MECOM: variants seen among roughly 807,000 people sequenced by gnomAD.
MECOM encodes MDS1 and EVI1 complex locus, also known as histone-lysine N-methyltransferase MECOM.
A neutral mutation model predicts 116.3 loss-of-function variants in MECOM; 13 were observed. The observed-to-expected ratio is 0.11, with a 90% CI of 0.07 to 0.18. The LOEUF is 0.18. Among genes scored for constraint, MECOM ranks in the 10% least tolerant of loss-of-function variants. The pLI, the probability that MECOM is intolerant of heterozygous loss-of-function variation, is 1.00. For synonymous variants in MECOM, 528 were observed against 535.2 expected (o/e 0.99, Z 0.19); for missense variants, 1,299 against 1,509.0 (o/e 0.86, Z 2.31).
intron 1 of MECOM, among the ~76,000 whole-genome samples, chr3:169,535,462 C>T (rs1759238306): frequency 6.6e-6 from 1 of 152,162 alleles, no homozygotes; most frequent in Non-Finnish European, 1.5e-5. Context: ...TCAGCCCTTA[C>T]TTTCAAATGT....
intron 1 of MECOM, among the ~76,000 whole-genome samples, chr3:169,606,138 G>A (rs1768515159): frequency 6.6e-6 from 1 of 152,176 alleles, no homozygotes. Context: ...GAGGCCAGGT[G>A]CGGTGGCTCA....
chr3:169,172,443 G>GTT (rs1491201932), intron 2 of MECOM, among the ~76,000 whole-genome samples: 2 of 148,582 alleles, frequency 1.3e-5, no homozygotes, highest in Non-Finnish European at 3.0e-5. Context: ...GTGTGTGTGT[G>GTT]TATACATATA....
intron 1 of MECOM, among the ~76,000 whole-genome samples, chr3:169,425,580 T>C (rs1459819380): frequency 6.6e-6 from 1 of 152,176 alleles, no homozygotes; most frequent in Non-Finnish European, 1.5e-5. Context: ...CGAGTCACCC[T>C]ATGAGGTATG....
At chr3:169,425,309 C>G (rs926591971) in intron 1 of MECOM, among the ~76,000 whole-genome samples, 1 of 152,218 alleles carries the variant, frequency 6.6e-6, no homozygotes. Context: ...CACGAGAAAA[C>G]GGAGCTATGA....
At chr3:169,410,917 G>A (rs909918652) in intron 1 of MECOM, among the ~76,000 whole-genome samples, 6 of 152,082 alleles carry the variant, frequency 3.9e-5, no homozygotes, top group Admixed American at 2.0e-4. Flanking sequence ...CTTACCCATA[G>A]TCCACAAAAA....
intron 2 of MECOM, among the ~76,000 whole-genome samples, chr3:169,253,071 T>A (rs139032165): frequency 2.6e-5 from 4 of 152,160 alleles, no homozygotes; most frequent in East Asian, 3.8e-4. Context: ...AGCTATTTTT[T>A]AAAATTAGGA....
chr3:169,271,462 A>C (rs1373630505), intron 2 of MECOM, among the ~76,000 whole-genome samples: 1 of 152,242 alleles, frequency 6.6e-6, no homozygotes, highest in East Asian at 1.9e-4. Context: ...CTCTGATATT[A>C]AAACAACAAC....
chr3:169,372,021 T>G (rs748593846), intron 2 of MECOM, among the ~76,000 whole-genome samples: 2 of 152,094 alleles, frequency 1.3e-5, no homozygotes, highest in Admixed American at 6.6e-5. Flanking sequence ...TGGAACATAA[T>G]GTATTGCCCA....
rs149854233 is a variant in MECOM at position 169,233,525 on chromosome 3, T to C, written c.376-89693A>G. ...AAATTGAGCATCTGTTTTTTTCTCATATAAATTCAACTCCTAATAAATACT... is the reference window on the plus strand; with the variant it reads ...AAATTGAGCATCTGTTTTTTTCTCACATAAATTCAACTCCTAATAAATACT... On this transcript the variant is annotated intron_variant, in intron 2 of 16. Coordinates refer to ENST00000651503, the MANE Select transcript of MECOM (RefSeq NM_004991.4). 7.3e-4 allele frequency among the ~76,000 whole-genome samples: 111 copies of C among 152,278 alleles called. No homozygotes were observed. In the East Asian group the frequency reaches 0.018, roughly 25 times the overall value.
At chr3:169,218,250 A>G (rs1751665657) in intron 2 of MECOM, among the ~76,000 whole-genome samples, 1 of 152,222 alleles carries the variant, frequency 6.6e-6, no homozygotes, top group African/African-American at 2.4e-5. Flanking sequence ...GTGACATGAA[A>G]AAATTTCATT....
chr3:169,521,901 C>A (rs1361051791), intron 1 of MECOM, among the ~76,000 whole-genome samples: 3 of 151,788 alleles, frequency 2.0e-5, no homozygotes, highest in Non-Finnish European at 4.4e-5. Flanking sequence ...TTGTTATTCC[C>A]TAAACAATAC....
At chr3:169,542,488 A>C (rs971549088) in intron 1 of MECOM, among the ~76,000 whole-genome samples, 1 of 152,180 alleles carries the variant, frequency 6.6e-6, no homozygotes, top group East Asian at 1.9e-4. Context: ...TCTTAACTAC[A>C]TCATTGCATT....
chr3:169,434,529 A>T (rs1463306411), intron 1 of MECOM, among the ~76,000 whole-genome samples: 2 of 152,144 alleles, frequency 1.3e-5, no homozygotes, highest in Non-Finnish European at 2.9e-5. Context: ...GAGACAATGA[A>T]TTTTGGTCAT....
chr3:169,285,487 G>T (rs1405232349), intron 2 of MECOM, among the ~76,000 whole-genome samples: 2 of 152,116 alleles, frequency 1.3e-5, no homozygotes, highest in African/African-American at 2.4e-5. Flanking sequence ...TCAAACAAAT[G>T]GTCAGCTGAA....
chr3:169,456,767 C>T (rs1319726156), intron 1 of MECOM, among the ~76,000 whole-genome samples: 1 of 152,122 alleles, frequency 6.6e-6, no homozygotes, highest in Non-Finnish European at 1.5e-5. Context: ...ATCTGCGACC[C>T]CTGTACCCAC....
At chr3:169,182,817 CTT>C in intron 2 of MECOM, among the ~76,000 whole-genome samples, 1 of 152,244 alleles carries the variant, frequency 6.6e-6, no homozygotes, top group African/African-American at 2.4e-5. Context: ...GGAACTCTAA[CTT>C]TCCTGATTTG....
At chr3:169,445,280 G>C (rs950841251) in intron 1 of MECOM, among the ~76,000 whole-genome samples, 1 of 151,978 alleles carries the variant, frequency 6.6e-6, no homozygotes, top group African/African-American at 2.4e-5. Flanking sequence ...TGGTTTTGTG[G>C]GTGGGCCCAG....
chr3:169,123,302 GAT>G (rs1731680754), intron 5 of MECOM, among the ~76,000 whole-genome samples: 1 of 125,862 alleles, frequency 7.9e-6, no homozygotes, highest in South Asian at 3.0e-4. Flanking sequence ...TATATGCATG[GAT>G]GTGTGTGTGT....
At chr3:169,649,323 C>T (rs1009059472) in intron 1 of MECOM, among the ~76,000 whole-genome samples, 18 of 145,854 alleles carry the variant, frequency 1.2e-4, no homozygotes, top group African/African-American at 4.7e-4. Flanking sequence ...GCAAGAGAAT[C>T]GCTTGAACCC....
Sources: gnomAD v4.1 joint callset for allele counts (sites outside exome capture counted in the v4.1 genomes callset) on GRCh38, gnomAD v4.1.1 for gene constraint, MANE v1.5 for transcripts, NCBI Gene and HGNC (gene_info 2026-07-23, HGNC 2026-07-21) for gene names.